The following ADAMTS17 variants were observed in gnomAD, a reference collection of about 807,000 sequenced individuals.
ADAMTS17 encodes ADAM metallopeptidase with thrombospondin type 1 motif 17, also known as A disintegrin and metalloproteinase with thrombospondin motifs 17.
In ADAMTS17, 113 loss-of-function variants were observed where a neutral mutation model predicts 141.5. The observed-to-expected ratio is 0.80, with a 90% CI of 0.69 to 0.93. The LOEUF (loss-of-function observed/expected upper bound fraction) is 0.93, where lower values mean the gene tolerates loss of function less well. Among genes scored for constraint, ADAMTS17 ranks in the 40% least tolerant of loss-of-function variants. The pLI is 0.00. For missense variants in ADAMTS17, 1,659 were observed against 1,517.9 expected (o/e 1.09, Z -1.54); for synonymous variants, 768 against 630.6 (o/e 1.22, Z -3.27).
intron 7 of ADAMTS17, among the ~76,000 whole-genome samples, chr15:100,219,805 C>A (rs1291321379): frequency 6.6e-6 from 1 of 152,232 alleles, no homozygotes; most frequent in African/African-American, 2.4e-5. Flanking sequence ...AGAAGTCCCA[C>A]ATGCTCCCTT....
intron 15 of ADAMTS17, among the ~76,000 whole-genome samples, chr15:100,065,072 C>T (rs369133004): frequency 1.3e-5 from 2 of 152,140 alleles, no homozygotes; most frequent in East Asian, 3.9e-4. Context: ...CATTTTCTCA[C>T]AATAAAATGG....
chr15:100,085,123 A>C (rs1361997940), intron 15 of ADAMTS17, among the ~76,000 whole-genome samples: 1 of 152,174 alleles, frequency 6.6e-6, no homozygotes, highest in Non-Finnish European at 1.5e-5. Context: ...GCTAACTAGA[A>C]TAACCAATGC....
chr15:100,071,397 C>T (rs1472371688), intron 15 of ADAMTS17, among the ~76,000 whole-genome samples: 2 of 149,892 alleles, frequency 1.3e-5, no homozygotes, highest in Non-Finnish European at 3.0e-5. Flanking sequence ...TTTTATGAGG[C>T]CAGCATCATC....
intron 4 of ADAMTS17, among the ~76,000 whole-genome samples, chr15:100,280,156 T>A (rs1022970193): frequency 6.6e-6 from 1 of 152,100 alleles, no homozygotes; most frequent in African/African-American, 2.4e-5. Context: ...ATTTCCCACC[T>A]TGAATTCAGC....
intron 3 of ADAMTS17, 58 bp from the exon 4 acceptor site, chr15:100,281,459 C>T: frequency 6.4e-7 from 1 of 1,569,012 alleles, no homozygotes; most frequent in Non-Finnish European, 8.6e-7. Context: ...CAAAACCATG[C>T]AGTGAACAGG....
intron 7 of ADAMTS17, among the ~76,000 whole-genome samples, chr15:100,209,836 T>A (rs1453765135): frequency 6.6e-6 from 1 of 152,194 alleles, no homozygotes; most frequent in African/African-American, 2.4e-5. Context: ...TGGAGGCAGC[T>A]CATTACCAGT....
intron 6 of ADAMTS17, 151 bp downstream of exon 6, chr15:100,261,328 C>T (rs2043508704): frequency 1.1e-5 from 10 of 951,052 alleles, no homozygotes; most frequent in Non-Finnish European, 1.6e-5. Flanking sequence ...CCACCGTTAA[C>T]CCCCACTTAC....
Position 99,981,763 on chromosome 15 carries a change from C to G in ADAMTS17, c.2950-5541G>C, listed in dbSNP as rs542403741. ...GGACTAATTTTCCTTTTAGTGTGTT[C>G]TATAGTAAGAGCTACTTATATAATT... On this transcript the variant is annotated intron_variant, in intron 20 of 21. Coordinates refer to ENST00000268070, the MANE Select transcript of ADAMTS17 (RefSeq NM_139057.4). Among the ~76,000 whole-genome samples, 11 of 152,294 alleles carry G rather than the reference C, an allele frequency of 7.2e-5. No homozygotes were observed. In the East Asian group the frequency reaches 1.7e-3, roughly 24 times the overall value.
intron 15 of ADAMTS17, among the ~76,000 whole-genome samples, chr15:100,092,582 C>A (rs2035534669): frequency 6.6e-6 from 1 of 152,168 alleles, no homozygotes. Flanking sequence ...TCATTTTGTA[C>A]CATAAGCCCC....
chr15:100,087,943 T>C (rs575764549), intron 15 of ADAMTS17, among the ~76,000 whole-genome samples: 7 of 152,252 alleles, frequency 4.6e-5, no homozygotes, highest in African/African-American at 9.6e-5. Flanking sequence ...CAGGGATGCC[T>C]TCTCTCACCA....
chr15:99,994,642 CTG>C (rs928976761), intron 19 of ADAMTS17, among the ~76,000 whole-genome samples: 1 of 152,224 alleles, frequency 6.6e-6, no homozygotes, highest in Non-Finnish European at 1.5e-5. Flanking sequence ...TATCGGCTCA[CTG>C]CAACCTCCGC....
chr15:100,105,545 T>C (rs2036364286), intron 14 of ADAMTS17, among the ~76,000 whole-genome samples: 1 of 152,176 alleles, frequency 6.6e-6, no homozygotes, highest in South Asian at 2.1e-4. Context: ...TTGTGTCTTC[T>C]AGAGTTCATA....
intron 7 of ADAMTS17, among the ~76,000 whole-genome samples, chr15:100,232,040 G>A (rs1043762408): frequency 1.3e-5 from 2 of 152,140 alleles, no homozygotes; most frequent in South Asian, 4.1e-4. Context: ...GAATCACGGC[G>A]ACCTTGCCCC....
chr15:100,084,656 A>G (rs1478479593), intron 15 of ADAMTS17, among the ~76,000 whole-genome samples: 1 of 152,194 alleles, frequency 6.6e-6, no homozygotes, highest in East Asian at 1.9e-4. Flanking sequence ...TTCCAGAGGA[A>G]CGATCAGGCA....
At chr15:99,974,693 T>G (rs1264698078) in intron 21 of ADAMTS17, 131 bp from the exon 22 acceptor site, 9 of 1,221,908 alleles carry the variant, frequency 7.4e-6, no homozygotes, top group African/African-American at 1.5e-5. Context: ...CCCTTTGCAC[T>G]GATTAGGCCA....
intron 18 of ADAMTS17, among the ~76,000 whole-genome samples, chr15:100,001,986 G>A (rs1351421615): frequency 1.1e-3 from 32 of 28,538 alleles, no homozygotes; most frequent in South Asian, 2.3e-3. Context: ...CAAAAAAAAG[G>A]CCAAACCCAA....
At chr15:100,202,295 A>T (rs1015995529) in intron 7 of ADAMTS17, among the ~76,000 whole-genome samples, 26 of 152,352 alleles carry the variant, frequency 1.7e-4, no homozygotes, top group African/African-American at 6.3e-4. Context: ...TAATTTTTCC[A>T]AGGTGCAGAT....
chr15:100,186,939 T>A (rs1477290606), intron 8 of ADAMTS17, among the ~76,000 whole-genome samples: 1 of 152,252 alleles, frequency 6.6e-6, no homozygotes, highest in Non-Finnish European at 1.5e-5. Context: ...CAAGATGGCA[T>A]CTGCCTATTT....
chr15:100,182,237 T>A (rs556977125), intron 8 of ADAMTS17, among the ~76,000 whole-genome samples: 1 of 152,336 alleles, frequency 6.6e-6, no homozygotes, highest in South Asian at 2.1e-4. Flanking sequence ...AGGACCTTTT[T>A]CACATGGTGG....
Sources: gnomAD v4.1 joint callset for allele counts (sites outside exome capture counted in the v4.1 genomes callset) on GRCh38, gnomAD v4.1.1 for gene constraint, MANE v1.5 for transcripts, NCBI Gene and HGNC (gene_info 2026-07-23, HGNC 2026-07-21) for gene names.